The following SHKBP1 variants were observed in gnomAD, a reference collection of about 807,000 sequenced individuals.
SHKBP1 encodes the protein SH3KBP1-binding protein 1.
SHKBP1 carries 71 observed loss-of-function variants against 83.9 expected under a neutral mutation model. That is an observed-to-expected ratio of 0.85 (90% CI 0.70 to 1.03). SHKBP1 has a LOEUF of 1.03. Ranked by LOEUF, SHKBP1 falls within the 50% of genes least tolerant of loss-of-function variation. The pLI is 0.00. For missense variants in SHKBP1, 824 were observed against 982.4 expected (o/e 0.84, Z 2.16); for synonymous variants, 371 against 398.0 (o/e 0.93, Z 0.81).
chr19:40,590,731 AG>A lies in SHKBP1; in HGVS notation c.1772del (p.Gly591ValfsTer3). ...TGACCCTGCTTCCGTGCCCCCCAGC[AG>A]GTGGCCTGACGGAGCAAGAGCTGAT... ...AMDGLGQAPA[G>X]GLTEQELMEQ... is the part of the protein sequence containing the mutation. On this transcript the variant is annotated frameshift_variant and splice_region_variant, in exon 17 of 18. Transcript: ENST00000291842. LOFTEE classifies it high-confidence loss of function. The surrounding 1 kb of genome is among the most constrained non-coding windows in gnomAD (Gnocchi z 4.6). 1 of 1,587,910 alleles carries A rather than the reference AG, an allele frequency of 6.3e-7. No homozygotes were observed. Among genetic ancestry groups the A allele is most frequent in the Non-Finnish European group, 8.6e-7 (1 of 1,161,524 alleles).
At chr19:40,584,890 G>A (rs191202573) in intron 12 of SHKBP1, among the ~76,000 whole-genome samples, 52 of 152,234 alleles carry the variant, frequency 3.4e-4, no homozygotes, top group African/African-American at 1.2e-3. Context: ...TCCTGTAAAT[G>A]GGATCATACA....
Position 40,589,220 on chromosome 19 carries a change from T to TC in SHKBP1, c.1589+44dup, listed in dbSNP as rs2081337105. 6 of 680,250 alleles carry TC rather than the reference T, an allele frequency of 8.8e-6. No individual in the cohort carries two copies. The East Asian group carries it at 2.1e-4, about 24-fold the overall frequency. The allele number at this position is 680,250 out of a possible 1,614,324, so 42.1% of individuals were successfully genotyped here. A position where few individuals can be genotyped will look rare whatever the true frequency, so the allele number is the denominator to read the frequency against. The stretch of plus-strand genomic sequence containing the variant: ...CCAACAGGGAGGGAGGACAGTCCTG[T>TC]CCAACAGGGAGGGAGGTCAGGGGAG... On this transcript the variant is annotated intron_variant, in intron 15 of 17. Transcript: ENST00000291842.
intron 11 of SHKBP1, 52 bp downstream of exon 11, chr19:40,583,537 G>A: frequency 2.5e-6 from 4 of 1,611,442 alleles, no homozygotes; most frequent in Non-Finnish European, 3.4e-6. Context: ...TGGGAGAGGG[G>A]AAGGGAGGGA....
rs528985017 is a variant in SHKBP1 at position 40,581,128 on chromosome 19, C to T, written c.844+192C>T. On this transcript the variant is annotated intron_variant, in intron 9 of 17. Transcript: ENST00000291842. ...TTCCCTGGCTTCCTAGAAAAATCCA[C>T]CCACATACAATTCTCCCTCCATCAG... Among the ~76,000 whole-genome samples, 32 of 152,292 alleles carry T rather than the reference C, an allele frequency of 2.1e-4. No individual in the cohort carries two copies. The East Asian group carries it at 5.0e-3, about 24-fold the overall frequency.
In SHKBP1 at chr19:40,590,628, C is replaced by T. The variant is rs939701792; in HGVS notation, c.1769-102C>T. On this transcript the variant is annotated intron_variant, in intron 16 of 17. Transcript: ENST00000291842. This position sits in a 1 kb window ranked among gnomAD's most constrained non-coding sequence, Gnocchi z 4.6. ...GCCCCCATGCATTGATCTCTGCTTC[C>T]TCTCTCCTGTCCTGACCCTCGGTGC... The T allele has an allele frequency of 3.5e-6, 5 of 1,439,222 alleles. No homozygotes were observed. The highest frequency in any genetic ancestry group is 5.0e-4 in the Middle Eastern group (2 of 3,978). 89.2% of individuals were successfully genotyped at this position (1,439,222 alleles called of 1,614,324 possible). A position where few individuals can be genotyped will look rare whatever the true frequency, so the allele number is the denominator to read the frequency against.
chr19:40,577,519 C>T (rs1359750624), intron 3 of SHKBP1, 38 bp from the exon 4 acceptor site: 4 of 1,614,026 alleles, frequency 2.5e-6, no homozygotes, highest in Non-Finnish European at 3.4e-6. Flanking sequence ...TCAGTCCTGC[C>T]TTTTACCCCA....
rs779551684 is a variant in SHKBP1 at position 40,582,454 on chromosome 19, C to T, written c.948C>T (p.Thr316=). The change falls in exon 10 of 18, where the codon ACC becomes ACT. Residue 316 remains threonine (T), a synonymous_variant. Transcript: ENST00000291842. ...TGRIGVWNAV[T]KHWQVQEVQP... ...GCATCGGGGTGTGGAATGCCGTCAC[C>T]AAGCACTGGCAGGTCAGAGTTCTGG... 6.2e-7 allele frequency: 1 copy of T among 1,614,010 alleles called. No individual in the cohort carries two copies. The highest frequency in any genetic ancestry group is 1.1e-5 in the South Asian group (1 of 91,074).
At chr19:40,583,751 A>T (rs753622494) in intron 12 of SHKBP1, 34 bp downstream of exon 12, 2 of 1,547,342 alleles carry the variant, frequency 1.3e-6, no homozygotes, top group African/African-American at 2.7e-5. Context: ...TGCTGCTGTC[A>T]CCTGCCAGCC....
chr19:40,583,997 C>G (rs191884681), intron 12 of SHKBP1, among the ~76,000 whole-genome samples: 3 of 152,240 alleles, frequency 2.0e-5, no homozygotes, highest in Admixed American at 6.5e-5. Flanking sequence ...CCCACTGCCA[C>G]GCCTGGCTAA....
chr19:40,585,993 C>T (rs1035801704), intron 12 of SHKBP1, among the ~76,000 whole-genome samples: 3 of 152,050 alleles, frequency 2.0e-5, no homozygotes, highest in Non-Finnish European at 2.9e-5. Flanking sequence ...GCAGCCTCAC[C>T]CCCTGGGCTC....
At chr19:40,577,497 G>T in intron 3 of SHKBP1, 56 bp downstream of exon 3, 1 of 1,613,966 alleles carries the variant, frequency 6.2e-7, no homozygotes, top group Admixed American at 1.7e-5. Flanking sequence ...AGGAAGAGGG[G>T]CAGGACCCCA....
rs181117559 is a variant in SHKBP1, at chr19:40,584,140, C to T, written c.1165+423C>T. Reference sequence around the variant, plus strand: ...ACAGACGTGAGCCACCGCGCCCAGCCAGATTCAACTCTCATCCAGTCATTC... The same window carrying T: ...ACAGACGTGAGCCACCGCGCCCAGCTAGATTCAACTCTCATCCAGTCATTC... On this transcript the variant is annotated intron_variant, in intron 12 of 17. Coordinates refer to ENST00000291842, the MANE Select transcript of SHKBP1 (RefSeq NM_138392.4). 3.3e-5 allele frequency among the ~76,000 whole-genome samples: 5 copies of T among 152,294 alleles called. No homozygotes were observed. In the East Asian group the frequency reaches 9.6e-4, roughly 29 times the overall value.
intron 13 of SHKBP1, 95 bp downstream of exon 13, chr19:40,587,039 G>C: frequency 8.3e-7 from 1 of 1,201,956 alleles, no homozygotes; most frequent in South Asian, 1.5e-5. Flanking sequence ...GAGGGACATT[G>C]TGTAGGAAGA....
chr19:40,589,563 G>A (rs1246449073), intron 15 of SHKBP1, among the ~76,000 whole-genome samples: 1 of 147,736 alleles, frequency 6.8e-6, no homozygotes, highest in Non-Finnish European at 1.5e-5. Context: ...AGGGGGACCA[G>A]GGGCAGGGGT....
rs1414303042 is a variant in SHKBP1, at chr19:40,580,631, T to C, written c.628T>C (p.Tyr210His). 1 of 1,614,068 alleles carries C rather than the reference T, an allele frequency of 6.2e-7. No individual in the cohort carries two copies. The highest frequency in any genetic ancestry group is 8.5e-7 in the Non-Finnish European group (1 of 1,180,040). The change falls in exon 8 of 18, where the codon TAT becomes CAT. Residue 210 changes from tyrosine to histidine, a missense_variant. Physicochemically the swap from Tyr to His is moderately conservative, Grantham distance 83 (BLOSUM62 2). Coordinates refer to ENST00000291842, the MANE Select transcript of SHKBP1 (RefSeq NM_138392.4). ...ACACCATAATTGGATCGCTGTGGCCTATACCCAGTTTCTAGTCTGCTACAG... is the reference window on the plus strand; with the variant it reads ...ACACCATAATTGGATCGCTGTGGCCCATACCCAGTTTCTAGTCTGCTACAG... The part of the protein sequence containing the change: ...CGHHNWIAVA[Y>H]TQFLVCYRLK...
intron 4 of SHKBP1, 123 bp downstream of exon 4, chr19:40,577,753 C>A: frequency 1.6e-6 from 2 of 1,278,130 alleles, no homozygotes; most frequent in Non-Finnish European, 2.2e-6. Context: ...ACCTTGATCA[C>A]AGGCCGGGCG....
At chr19:40,578,395 G>T (rs1423386888) in intron 5 of SHKBP1, 67 bp from the exon 6 acceptor site, 1 of 1,562,178 alleles carries the variant, frequency 6.4e-7, no homozygotes, top group Non-Finnish European at 8.8e-7. Flanking sequence ...AGAAAGAAAT[G>T]GGGAGGGGGA....
At chr19:40,585,013 G>A (rs1468168314) in intron 12 of SHKBP1, among the ~76,000 whole-genome samples, 1 of 152,118 alleles carries the variant, frequency 6.6e-6, no homozygotes, top group Non-Finnish European at 1.5e-5. Flanking sequence ...ATCTTCTCCT[G>A]AATTTCTTCT....
At chr19:40,586,397 C>T (rs1407432364) in intron 12 of SHKBP1, among the ~76,000 whole-genome samples, 2 of 149,146 alleles carry the variant, frequency 1.3e-5, no homozygotes, top group African/African-American at 2.5e-5. Context: ...GACAGAGTCA[C>T]ATTCTGTCAT....
Sources: allele counts gnomAD v4.1 joint callset (sites outside exome capture counted in the v4.1 genomes callset), GRCh38; gene constraint gnomAD v4.1.1; non-coding constraint Gnocchi (gnomAD v3.1); transcripts MANE v1.5; gene names NCBI Gene and HGNC (gene_info 2026-07-23, HGNC 2026-07-21).